The following INTS6 variants were observed in gnomAD, a reference collection of about 807,000 sequenced individuals.
The protein encoded by INTS6 is DEAD box protein.
Under a neutral mutation model 104.9 loss-of-function variants are expected in INTS6, and 16 were observed. The ratio of observed to expected loss-of-function variants is 0.15; its 90% CI spans 0.10 to 0.23. The LOEUF is 0.23. Among genes scored for constraint, INTS6 ranks in the 10% least tolerant of loss-of-function variants. The pLI, the probability that INTS6 is intolerant of heterozygous loss-of-function variation, is 1.00. For synonymous variants in INTS6, 324 were observed against 358.7 expected (o/e 0.90, Z 1.09); for missense variants, 584 against 1,062.8 (o/e 0.55, Z 6.26).
chr13:51,374,603 C>T, intron 14 of INTS6, 51 bp downstream of exon 14: 1 of 1,596,712 alleles, frequency 6.3e-7, no homozygotes, highest in Non-Finnish European at 8.5e-7. Context: ...AACTATAAAA[C>T]TGACAGTGCC....
intron 9 of INTS6, among the ~76,000 whole-genome samples, chr13:51,383,091 C>G (rs541575379): frequency 9.5e-5 from 14 of 146,746 alleles, no homozygotes; most frequent in African/African-American, 3.4e-4. Context: ...CTCCCTCCCC[C>G]ACCCCCCCGC....
chr13:51,437,139 T>C (rs1952705802), intron 3 of INTS6: 1 of 152,090 alleles, frequency 6.6e-6, no homozygotes, highest in Non-Finnish European at 1.5e-5. Flanking sequence ...TTTTTAAAAA[T>C]AAACGTATAA....
Position 51,415,543 on chromosome 13 carries a change from GCT to G in INTS6, c.429+14749_429+14750del, listed in dbSNP as rs534637882. 8.6e-3 allele frequency among the ~76,000 whole-genome samples: 1,316 copies of G among 152,224 alleles called. 20 individuals are homozygous for G. The highest frequency in any genetic ancestry group is 0.029 in the African/African-American group (1,220 of 41,526). ...AAAAACAGGAAGTTTCCCTGCACAAGCTCTCTCTCTTTGCCTGCTGCCACCCA... is the reference window on the plus strand; with the variant it reads ...AAAAACAGGAAGTTTCCCTGCACAAGCTCTCTCTTTGCCTGCTGCCACCCA... On this transcript the variant is annotated intron_variant, in intron 4 of 17. Coordinates refer to ENST00000311234, the MANE Select transcript of INTS6 (RefSeq NM_012141.3).
the INTS6 span, among the ~76,000 whole-genome samples, chr13:51,341,914 C>A: frequency 6.6e-6 from 1 of 152,168 alleles, no homozygotes; most frequent in East Asian, 1.9e-4. Flanking sequence ...ATGCTTTTGA[C>A]CAACCTGCTT....
chr13:51,413,211 T>TA (rs370475848), intron 4 of INTS6, among the ~76,000 whole-genome samples: 2 of 152,026 alleles, frequency 1.3e-5, no homozygotes, highest in Non-Finnish European at 2.9e-5. Flanking sequence ...GTTTTTTTTT[T>TA]AAAGGGTCAA....
intron 17 of INTS6, 103 bp from the exon 18 acceptor site, chr13:51,365,948 A>G: frequency 1.7e-6 from 1 of 590,422 alleles, no homozygotes; most frequent in South Asian, 2.7e-5. Context: ...AAGATTTTTC[A>G]AAGTGAAATG....
Position 51,362,132 on chromosome 13 carries a change from T to C in INTS6, c.*3620A>G, listed in dbSNP as rs1955590527. ...ATTCTCTCAGCTCATATATAGTTAA[T>C]GTAGATTTTTTTTTTTAATGCTATA... is the stretch of plus-strand genomic sequence containing the variant. On this transcript the variant is annotated 3_prime_UTR_variant, in exon 18 of 18. Coordinates refer to ENST00000311234, the MANE Select transcript of INTS6 (RefSeq NM_012141.3). 2.3e-6 allele frequency: 3 copies of C among 1,320,834 alleles called. No individual in the cohort carries two copies. The Admixed American group carries it at 1.1e-4, about 48-fold the overall frequency. The allele number at this position is 1,320,834 out of a possible 1,614,324, so 81.8% of individuals were successfully genotyped here.
Position 51,452,649 on chromosome 13 carries a change from A to C in INTS6, c.-124T>G. 6.7e-7 allele frequency: 1 copy of C among 1,484,952 alleles called. No homozygotes were observed. The highest frequency in any genetic ancestry group is 9.0e-7 in the Non-Finnish European group (1 of 1,116,200). The allele number at this position is 1,484,952 out of a possible 1,614,324, so 92.0% of individuals were successfully genotyped here. ...GGAGCACGGCCCCCGGGAGGAAAAC[A>C]CTGTCTGGGTCTTTCCTCCGGCTGC... On this transcript the variant is annotated 5_prime_UTR_variant, in exon 1 of 18. Coordinates refer to ENST00000311234, the MANE Select transcript of INTS6 (RefSeq NM_012141.3). This position sits in a 1 kb window ranked among gnomAD's most constrained non-coding sequence, Gnocchi z 4.2.
intron 3 of INTS6, among the ~76,000 whole-genome samples, chr13:51,434,759 GT>G (rs34896947): frequency 0.72 from 108,344 of 151,510 alleles, 40,094 homozygotes; most frequent in African/African-American, 0.93. Context: ...GTTTTGCACT[GT>G]TTTGTTGCTG....
chr13:51,409,313 ATAG>A (rs1450054576), intron 4 of INTS6, among the ~76,000 whole-genome samples: 1 of 134,190 alleles, frequency 7.5e-6, no homozygotes, highest in African/African-American at 2.8e-5. Flanking sequence ...AATAATAATA[ATAG>A]TATAACTTCA....
chr13:51,443,641 T>C (rs1299495096), intron 3 of INTS6: 2 of 152,154 alleles, frequency 1.3e-5, no homozygotes, highest in Non-Finnish European at 2.9e-5. Flanking sequence ...AAAGACTGCT[T>C]GAGCCCAGGA....
intron 4 of INTS6, among the ~76,000 whole-genome samples, chr13:51,404,243 C>T (rs1214884355): frequency 6.6e-6 from 1 of 151,086 alleles, no homozygotes; most frequent in Non-Finnish European, 1.5e-5. Flanking sequence ...CACTGCACTC[C>T]TGCCTGAGTG....
chr13:51,398,022 T>G (rs928618924), intron 4 of INTS6, among the ~76,000 whole-genome samples: 1 of 152,152 alleles, frequency 6.6e-6, no homozygotes, highest in East Asian at 1.9e-4. Flanking sequence ...TTATAAACTT[T>G]AGGCAAATTT....
At chr13:51,345,631 G>C in the INTS6 span, among the ~76,000 whole-genome samples, 1 of 149,184 alleles carries the variant, frequency 6.7e-6, no homozygotes, top group African/African-American at 2.5e-5. Context: ...AATAGGAAGT[G>C]ATATGTATAC....
chr13:51,365,621 T>C lies in INTS6; in HGVS notation c.*131A>G. The C allele has an allele frequency of 2.1e-6, 1 of 471,072 alleles. No individual in the cohort carries two copies. The highest frequency in any genetic ancestry group is 3.8e-6 in the Non-Finnish European group (1 of 260,772). 29.2% of individuals were successfully genotyped at this position (471,072 alleles called of 1,614,324 possible). A position where few individuals can be genotyped will look rare whatever the true frequency, so the allele number is the denominator to read the frequency against. Reference sequence around the variant, plus strand: ...ACTGTAAAATGATGGAAAAAGGATCTGTAGATTTGCTTTTAGTATTTCAAA... The same window carrying C: ...ACTGTAAAATGATGGAAAAAGGATCCGTAGATTTGCTTTTAGTATTTCAAA... On this transcript the variant is annotated 3_prime_UTR_variant, in exon 18 of 18. Coordinates refer to ENST00000311234, the MANE Select transcript of INTS6 (RefSeq NM_012141.3).
the INTS6 span, among the ~76,000 whole-genome samples, chr13:51,338,789 GA>G: frequency 6.6e-6 from 1 of 152,172 alleles, no homozygotes; most frequent in East Asian, 1.9e-4. Flanking sequence ...TCTTTAAAGT[GA>G]ATTACCCACT....
intron 3 of INTS6, among the ~76,000 whole-genome samples, chr13:51,430,767 G>A (rs1767806761): frequency 6.6e-6 from 1 of 152,110 alleles, no homozygotes; most frequent in Admixed American, 6.5e-5. Flanking sequence ...CATTTCCTGA[G>A]AAACTTTCTT....
intron 3 of INTS6, chr13:51,450,137 C>T: frequency 1.0e-6 from 1 of 984,906 alleles, no homozygotes; most frequent in Non-Finnish European, 1.2e-6. Flanking sequence ...CAACATATAC[C>T]CAATATATAA....
intron 5 of INTS6, among the ~76,000 whole-genome samples, chr13:51,393,282 T>G (rs1401626187): frequency 1.3e-5 from 2 of 152,174 alleles, no homozygotes; most frequent in Non-Finnish European, 2.9e-5. Context: ...TTCACCATGT[T>G]GGCCAGGCTG....
Sources: allele counts gnomAD v4.1 joint callset (sites outside exome capture counted in the v4.1 genomes callset), GRCh38; gene constraint gnomAD v4.1.1; non-coding constraint Gnocchi (gnomAD v3.1); transcripts MANE v1.5; gene names NCBI Gene and HGNC (gene_info 2026-07-23, HGNC 2026-07-21).